Variants in TTC21B observed in about 807,000 individuals in gnomAD.
The protein encoded by TTC21B is tetratricopeptide repeat protein 21B.
TTC21B carries 127 observed loss-of-function variants against 175.1 expected under a neutral mutation model. That is an observed-to-expected ratio of 0.73 (90% confidence interval 0.63 to 0.84). The LOEUF is 0.84. Among genes scored for constraint, TTC21B ranks in the 40% least tolerant of loss-of-function variants. The probability of loss-of-function intolerance (pLI) is 0.00; values close to 1 mark genes in which losing one functional copy is unlikely to be tolerated. For missense variants in TTC21B, 1,561 were observed against 1,558.3 expected (o/e 1.00, Z -0.03); for synonymous variants, 524 against 524.5 (o/e 1.00, Z 0.01).
In TTC21B at chr2:165,949,590, C is replaced by T. The variant is rs746314183; in HGVS notation, c.151+5G>A. On this transcript the variant is annotated splice_donor_5th_base_variant and intron_variant, in intron 2 of 28. Transcript: ENST00000243344. Reference sequence around the variant, plus strand: ...GATGGAACATGTTTAATGATTAACACGTACCTTCCATTAATGTGCCATAGG... The same window carrying T: ...GATGGAACATGTTTAATGATTAACATGTACCTTCCATTAATGTGCCATAGG... The T allele has an allele frequency of 1.9e-5, 30 of 1,613,758 alleles. No homozygotes were observed. The highest frequency in any genetic ancestry group is 6.7e-5 in the African/African-American group (5 of 75,030).
rs1687833889 is a variant in TTC21B at position 165,953,670 on chromosome 2, C to A, written c.21+15G>T. ...CCGCCCGCCCGCTCACCCGCTCACC[C>A]GCTCACCCGCTCACCTTCAATTCCT... On this transcript the variant is annotated intron_variant, in intron 1 of 28. Transcript: ENST00000243344. 6.5e-7 allele frequency: 1 copy of A among 1,547,742 alleles called. No individual in the cohort carries two copies. The highest frequency in any genetic ancestry group is 8.7e-7 in the Non-Finnish European group (1 of 1,146,494).
chr2:165,952,344 T>C (rs554148243), intron 1 of TTC21B, among the ~76,000 whole-genome samples: 3 of 116,078 alleles, frequency 2.6e-5, no homozygotes, highest in Non-Finnish European at 3.7e-5. Context: ...CATTTAAGTA[T>C]TGTCTATGGC....
At chr2:165,943,362 T>C (rs970425185) in intron 4 of TTC21B, 21 bp from the exon 5 acceptor site, 5 of 1,557,852 alleles carry the variant, frequency 3.2e-6, no homozygotes, top group Admixed American at 1.7e-5. Context: ...AATAATTCTA[T>C]TTTTACTTTT....
intron 24 of TTC21B, among the ~76,000 whole-genome samples, chr2:165,889,247 T>G (rs1433093972): frequency 6.6e-6 from 1 of 152,200 alleles, no homozygotes; most frequent in Non-Finnish European, 1.5e-5. Flanking sequence ...GTCACGCTGT[T>G]GACTACCACT....
Position 165,931,825 on chromosome 2 carries a change from G to GAA in TTC21B, c.826_827insTT (p.Thr276IlefsTer45), listed in dbSNP as rs1165293606. The GAA allele has an allele frequency of 6.2e-7, 1 of 1,613,334 alleles. No homozygotes were observed. ...ATTCTGTGGTTCCATGGCATCCAATGTATTTCCCAAGTTTTCCAGCTTGGT... is the reference window on the plus strand; with the variant it reads ...ATTCTGTGGTTCCATGGCATCCAATGAATATTTCCCAAGTTTTCCAGCTTGGT... On this transcript the variant is annotated frameshift_variant, in exon 8 of 29. Coordinates refer to ENST00000243344, the MANE Select transcript of TTC21B (RefSeq NM_024753.5). LOFTEE classifies it high-confidence loss of function.
chr2:165,942,430 T>C (rs1331580323), intron 5 of TTC21B, among the ~76,000 whole-genome samples: 4 of 152,180 alleles, frequency 2.6e-5, no homozygotes, highest in Admixed American at 2.0e-4. Flanking sequence ...AAAATGTATG[T>C]CCGATCATGT....
intron 17 of TTC21B, 93 bp downstream of exon 17, chr2:165,912,421 T>C (rs922651919): frequency 1.0e-6 from 1 of 969,604 alleles, no homozygotes; most frequent in African/African-American, 1.6e-5. Flanking sequence ...TTTACAACCA[T>C]TAAAGATGCA....
At chr2:165,936,229 T>C (rs1340358684) in intron 6 of TTC21B, among the ~76,000 whole-genome samples, 2 of 152,030 alleles carry the variant, frequency 1.3e-5, no homozygotes, top group Non-Finnish European at 2.9e-5. Context: ...CTCTTTTCAA[T>C]AAATGGCACT....
At chr2:165,881,305 A>G (rs1186277794) in intron 26 of TTC21B, among the ~76,000 whole-genome samples, 2 of 152,162 alleles carry the variant, frequency 1.3e-5, no homozygotes, top group Non-Finnish European at 2.9e-5. Context: ...CAATTTTATC[A>G]CACCTAAAAT....
At chr2:165,879,750 T>C (rs6717367) in intron 27 of TTC21B, 67,957 of 151,866 alleles carry the variant, frequency 0.45, 15,655 homozygotes, top group Admixed American at 0.59. Context: ...CCTTCACACT[T>C]CATTCTTTTT....
chr2:165,889,806 T>G (rs2105290868), intron 24 of TTC21B, among the ~76,000 whole-genome samples: 1 of 152,298 alleles, frequency 6.6e-6, no homozygotes, highest in South Asian at 2.1e-4. Flanking sequence ...AGTTGCAGAT[T>G]GAAAGGTTTC....
chr2:165,953,743 G>T lies in TTC21B; in HGVS notation c.-38C>A. 6.5e-7 allele frequency: 1 copy of T among 1,548,270 alleles called. No homozygotes were observed. Among genetic ancestry groups the T allele is most frequent in the Non-Finnish European group, 8.7e-7 (1 of 1,146,288 alleles). On this transcript the variant is annotated 5_prime_UTR_variant, in exon 1 of 29. Coordinates refer to ENST00000243344, the MANE Select transcript of TTC21B (RefSeq NM_024753.5). Reference sequence around the variant, plus strand: ...GCCGGGCCGCGGGGCTCTGGGGATTGTCTCGCCGCAGCCTAAAGGAAGACG... The same window carrying T: ...GCCGGGCCGCGGGGCTCTGGGGATTTTCTCGCCGCAGCCTAAAGGAAGACG...
At chr2:165,878,714 C>T (rs1684749315) in intron 27 of TTC21B, among the ~76,000 whole-genome samples, 1 of 146,174 alleles carries the variant, frequency 6.8e-6, no homozygotes, top group South Asian at 2.2e-4. Flanking sequence ...CAGAGTCTCA[C>T]TCCGTCAACC....
In TTC21B at chr2:165,929,639, A is replaced by G. The variant is rs1275746409; in HGVS notation, c.1185+11T>C. 1.9e-6 allele frequency: 3 copies of G among 1,587,662 alleles called. No individual in the cohort carries two copies. The highest frequency in any genetic ancestry group is 2.6e-6 in the Non-Finnish European group (3 of 1,156,924). ...CTAGCATCTACCAGCTGATAAAATA[A>G]AATACTGTACCGCAGATTTTCCAAT... On this transcript the variant is annotated intron_variant, in intron 10 of 28. Coordinates refer to ENST00000243344, the MANE Select transcript of TTC21B (RefSeq NM_024753.5).
At chr2:165,876,606 T>C (rs375477572) in intron 27 of TTC21B, among the ~76,000 whole-genome samples, 165 of 152,354 alleles carry the variant, frequency 1.1e-3, no homozygotes, top group Non-Finnish European at 2.0e-3. Flanking sequence ...TACAGATTTA[T>C]TTAGCACTTA....
rs1446323216 is a variant in TTC21B at position 165,911,468 on chromosome 2, A to C, written c.2323-3T>G. The C allele has an allele frequency of 1.2e-6, 2 of 1,613,724 alleles. No homozygotes were observed. Among genetic ancestry groups the C allele is most frequent in the East Asian group, 2.2e-5 (1 of 44,756 alleles). ...GCAGCTTCATAGTAAGTGATTGCCT[A>C]AACAAAATTCATTCCATTTAAGGGA... On this transcript the variant is annotated splice_region_variant and splice_polypyrimidine_tract_variant and intron_variant, in intron 17 of 28. Transcript: ENST00000243344.
rs770758427 is a variant in TTC21B, at chr2:165,931,773, G to C, written c.879C>G (p.Leu293=). ...QNAQLFYNIT[L]AFSRTCGRSQ... is the part of the protein sequence containing the mutation. ...GCACTCTCACAGTTCTGCTGAAGGC[G>C]AGTGTAATGTTATAGAAAAGTTGAG... The change falls in exon 8 of 29, where the codon CTC becomes CTG. Residue 293 remains leucine (L), a synonymous_variant. Transcript: ENST00000243344. The C allele has an allele frequency of 3.1e-6, 5 of 1,613,068 alleles. No homozygotes were observed. The African/African-American group carries it at 5.3e-5, about 17-fold the overall frequency.
chr2:165,925,886 G>A (rs7609164), intron 11 of TTC21B, among the ~76,000 whole-genome samples: 66,182 of 151,936 alleles, frequency 0.44, 15,161 homozygotes, highest in Middle Eastern at 0.57. Context: ...TAGTGAAAGT[G>A]TAAGTGATGG....
intron 22 of TTC21B, among the ~76,000 whole-genome samples, chr2:165,891,553 G>A (rs1685193645): frequency 6.6e-6 from 1 of 151,216 alleles, no homozygotes. Context: ...TTTTAATCCT[G>A]TTTCACCTTC....
Sources: allele counts gnomAD v4.1 joint callset (sites outside exome capture counted in the v4.1 genomes callset), GRCh38; gene constraint gnomAD v4.1.1; transcripts MANE v1.5; gene names NCBI Gene and HGNC (gene_info 2026-07-23, HGNC 2026-07-21).